The following TLL1 variants were observed in gnomAD, a reference collection of about 807,000 sequenced individuals.
The protein encoded by TLL1 is tolloid like 1, also known as tolloid-like protein 1.
A neutral mutation model predicts 128.2 loss-of-function variants in TLL1; 49 were observed. That is an observed-to-expected ratio of 0.38 (90% confidence interval 0.30 to 0.48). The LOEUF is 0.48. TLL1 is among the 20% of genes least tolerant of loss of function. The probability of loss-of-function intolerance (pLI) is 0.96; values close to 1 mark genes in which losing one functional copy is unlikely to be tolerated. For synonymous variants in TLL1, 454 were observed against 418.8 expected, an observed-to-expected ratio of 1.08 and a Z score of -1.03; for missense variants, 1,123 against 1,242.0, an observed-to-expected ratio of 0.90 and a Z score of 1.44.
chr4:165,998,738 A>G (rs905497803), intron 5 of TLL1, among the ~76,000 whole-genome samples: 1 of 151,842 alleles, frequency 6.6e-6, no homozygotes, highest in Admixed American at 6.6e-5. Context: ...CGGAGCTTGC[A>G]GTGAGCCGAG....
In TLL1 at chr4:166,101,099, T is replaced by C. The variant is rs773377460; in HGVS notation, c.*223T>C. The C allele has an allele frequency of 1.4e-4, 76 of 527,186 alleles. No individual in the cohort carries two copies. The highest frequency in any genetic ancestry group is 5.2e-4 in the Admixed American group (16 of 30,658). The allele number at this position is 527,186 out of a possible 1,614,324, so 32.7% of individuals were successfully genotyped here. On this transcript the variant is annotated 3_prime_UTR_variant, in exon 21 of 21. Transcript: ENST00000061240. ...CCATGCTTGATGGTATTAATAAAGC[T>C]GGTGAAAGGGCATCATATACTTCAA...
At chr4:165,970,118 C>T (rs1161856636) in intron 1 of TLL1, among the ~76,000 whole-genome samples, 3 of 152,002 alleles carry the variant, frequency 2.0e-5, no homozygotes, top group African/African-American at 7.2e-5. Flanking sequence ...TAGAAGACCT[C>T]TTTTTTGAAT....
At chr4:165,992,246 C>T (rs965724431) in intron 2 of TLL1, among the ~76,000 whole-genome samples, 11 of 152,022 alleles carry the variant, frequency 7.2e-5, no homozygotes, top group South Asian at 6.2e-4. Flanking sequence ...TTCCAAATTA[C>T]GTTTTTGATT....
intron 1 of TLL1, among the ~76,000 whole-genome samples, chr4:165,902,414 C>T (rs1409733872): frequency 6.6e-6 from 1 of 152,226 alleles, no homozygotes; most frequent in Non-Finnish European, 1.5e-5. Flanking sequence ...GTGGTGTAGG[C>T]ACCTGAGGGA....
chr4:165,888,028 T>C (rs1731241789), intron 1 of TLL1, among the ~76,000 whole-genome samples: 1 of 152,238 alleles, frequency 6.6e-6, no homozygotes, highest in South Asian at 2.1e-4. Flanking sequence ...TTGTACGTTT[T>C]AATAATTTAT....
At chr4:165,960,064 G>T (rs1579546434) in intron 1 of TLL1, among the ~76,000 whole-genome samples, 1 of 151,906 alleles carries the variant, frequency 6.6e-6, no homozygotes, top group South Asian at 2.1e-4. Context: ...TTGTTTGAAA[G>T]AATAAACAAG....
intron 1 of TLL1, among the ~76,000 whole-genome samples, chr4:165,987,240 C>G (rs1736430413): frequency 6.6e-6 from 1 of 152,082 alleles, no homozygotes; most frequent in African/African-American, 2.4e-5. Context: ...GTAAATGCAC[C>G]TGATGGAAGT....
intron 19 of TLL1, among the ~76,000 whole-genome samples, chr4:166,094,160 T>A (rs1741912205): frequency 6.6e-6 from 1 of 152,154 alleles, no homozygotes; most frequent in African/African-American, 2.4e-5. Flanking sequence ...ACATAGATAT[T>A]TGAATCCTCA....
chr4:165,887,048 G>A (rs1731191265), intron 1 of TLL1, among the ~76,000 whole-genome samples: 1 of 152,162 alleles, frequency 6.6e-6, no homozygotes, highest in Non-Finnish European at 1.5e-5. Flanking sequence ...ACAGAGCAAA[G>A]GATGTGTAAG....
Position 165,951,351 on chromosome 4 carries a change from C to T in TLL1, c.170-38030C>T, listed in dbSNP as rs115181112. ...AGTGGCCAGATGATGTCTGGGCAGT[C>T]TGTGGTGTAGTGCTGAAACATAGGG... On this transcript the variant is annotated intron_variant, in intron 1 of 20. Coordinates refer to ENST00000061240, the MANE Select transcript of TLL1 (RefSeq NM_012464.5). Among the ~76,000 whole-genome samples, 618 of 152,158 alleles carry T rather than the reference C, an allele frequency of 4.1e-3. 4 individuals are homozygous for T. Among genetic ancestry groups the T allele is most frequent in the African/African-American group, 0.014 (561 of 41,528 alleles).
intron 9 of TLL1, among the ~76,000 whole-genome samples, chr4:166,034,775 A>G (rs899916197): frequency 3.3e-5 from 5 of 152,160 alleles, no homozygotes; most frequent in Non-Finnish European, 7.4e-5. Flanking sequence ...TAATGCCTCT[A>G]TAACAAAGCT....
chr4:166,085,487 T>A (rs1741468238), intron 18 of TLL1, among the ~76,000 whole-genome samples: 1 of 149,424 alleles, frequency 6.7e-6, no homozygotes, highest in African/African-American at 2.5e-5. Context: ...TTTTTTTTTA[T>A]CATGAAAGGA....
rs749812318 is a variant in TLL1 at position 166,091,285 on chromosome 4, G to A, written c.2600G>A (p.Arg867Gln). 1.1e-4 allele frequency: 174 copies of A among 1,612,746 alleles called. No individual in the cohort carries two copies. Among genetic ancestry groups the A allele is most frequent in the Middle Eastern group, 8.2e-4 (5 of 6,074 alleles). The part of the protein sequence containing the change: ...LVATGNKMFV[R>Q]FVSDASVQRK... ...GCTACTGGAAATAAAATGTTTGTTC[G>A]GTTTGTTTCTGATGCATCTGTTCAA... Residue 867 changes from arginine to glutamine, a missense_variant, in exon 19 of 21, where the codon CGG (arginine) becomes CAG (glutamine). This residue lies in a region of TLL1 where 634 missense variants were observed against 672.4 expected (regional missense o/e 0.94). Coordinates refer to ENST00000061240, the MANE Select transcript of TLL1 (RefSeq NM_012464.5).
rs565217166 is a variant in TLL1, at chr4:166,015,770, C to T, written c.1042+1210C>T. On this transcript the variant is annotated intron_variant, in intron 8 of 20. Transcript: ENST00000061240. ...TGGTACGTAATTCATTGATTCAACC[C>T]AGTGGATTCTGTTGACATTCCTGCT... Among the ~76,000 whole-genome samples, 3 of 151,900 alleles carry T rather than the reference C, an allele frequency of 2.0e-5. No individual in the cohort carries two copies. The South Asian group carries it at 6.2e-4, about 32-fold the overall frequency.
rs873244 is a variant in TLL1 at position 165,943,853 on chromosome 4, A to G, written c.170-45528A>G. ...TATTGCAGCTACATGTGCACAGTGT[A>G]TATTGGCTTCTGCTCATCATGGTAT... On this transcript the variant is annotated intron_variant, in intron 1 of 20. Coordinates refer to ENST00000061240, the MANE Select transcript of TLL1 (RefSeq NM_012464.5). Among the ~76,000 whole-genome samples, 1,494 of 152,258 alleles carry G rather than the reference A, an allele frequency of 9.8e-3. 26 individuals carry two copies. Among genetic ancestry groups the G allele is most frequent in the African/African-American group, 0.034 (1,427 of 41,570 alleles).
chr4:165,964,001 G>A (rs1735250258), intron 1 of TLL1, among the ~76,000 whole-genome samples: 1 of 152,162 alleles, frequency 6.6e-6, no homozygotes, highest in African/African-American at 2.4e-5. Context: ...CATCTGCCAT[G>A]CTGTATACTA....
At chr4:165,985,542 AT>A (rs376742374) in intron 1 of TLL1, among the ~76,000 whole-genome samples, 7 of 151,858 alleles carry the variant, frequency 4.6e-5, no homozygotes, top group African/African-American at 1.7e-4. Context: ...ATTCGTACAT[AT>A]TTTTGCATAT....
chr4:165,929,136 A>G (rs1733402003), intron 1 of TLL1, among the ~76,000 whole-genome samples: 1 of 152,186 alleles, frequency 6.6e-6, no homozygotes, highest in Non-Finnish European at 1.5e-5. Flanking sequence ...GCTTCGGGCA[A>G]TCAAATGCTG....
At chr4:166,010,836 AAAG>A (rs913168802) in intron 7 of TLL1, among the ~76,000 whole-genome samples, 2 of 151,258 alleles carry the variant, frequency 1.3e-5, no homozygotes, top group African/African-American at 4.8e-5. Context: ...TTTTTTTAAA[AAAG>A]AGACCAATTT....
Sources: allele counts gnomAD v4.1 joint callset (sites outside exome capture counted in the v4.1 genomes callset), GRCh38; gene constraint gnomAD v4.1.1; regional missense constraint gnomAD v4.1.1; transcripts MANE v1.5; gene names NCBI Gene and HGNC (gene_info 2026-07-23, HGNC 2026-07-21).